Variants in RNLS observed in about 807,000 individuals in gnomAD.
RNLS encodes the protein renalase, FAD dependent amine oxidase, also known as renalase.
RNLS carries 39 observed loss-of-function variants against 39.8 expected under a neutral mutation model. The ratio of observed to expected loss-of-function variants is 0.98; its 90% CI spans 0.76 to 1.28. The LOEUF (loss-of-function observed/expected upper bound fraction) is 1.28, where lower values mean the gene tolerates loss of function less well. RNLS is among the 50% of genes most tolerant of loss of function. The probability of loss-of-function intolerance (pLI) is 0.00; values close to 1 mark genes in which losing one functional copy is unlikely to be tolerated. For synonymous variants in RNLS, 147 were observed against 150.7 expected, an observed-to-expected ratio of 0.98 and a Z score of 0.18; for missense variants, 410 against 413.3, an observed-to-expected ratio of 0.99 and a Z score of 0.07.
chr10:88,257,371 C>T, the RNLS span, among the ~76,000 whole-genome samples: 1 of 152,276 alleles, frequency 6.6e-6, no homozygotes, highest in South Asian at 2.1e-4. Flanking sequence ...AGATTCATAT[C>T]AGGACAATAT....
chr10:88,437,328 T>C (rs1357366831), intron 4 of RNLS, among the ~76,000 whole-genome samples: 1 of 152,162 alleles, frequency 6.6e-6, no homozygotes, highest in Non-Finnish European at 1.5e-5. Context: ...AAAGATTGCA[T>C]TTAATGCCCC....
At chr10:88,557,561 A>C (rs1271580426) in intron 4 of RNLS, among the ~76,000 whole-genome samples, 3 of 152,158 alleles carry the variant, frequency 2.0e-5, no homozygotes, top group African/African-American at 7.2e-5. Context: ...AAGAAAAAAA[A>C]CAAATTTGGA....
intron 4 of RNLS, among the ~76,000 whole-genome samples, chr10:88,367,639 T>C (rs1850230601): frequency 6.6e-6 from 1 of 152,206 alleles, no homozygotes; most frequent in Admixed American, 6.6e-5. Context: ...CAGTTTGTAC[T>C]TCCACCAGGT....
At chr10:88,571,284 T>C (rs1444481362) in intron 4 of RNLS, among the ~76,000 whole-genome samples, 2 of 152,126 alleles carry the variant, frequency 1.3e-5, no homozygotes, top group Non-Finnish European at 2.9e-5. Flanking sequence ...ACCTGGCCTA[T>C]GTTAAGCATT....
chr10:88,287,037 T>C (rs1038793386), intron 6 of RNLS, among the ~76,000 whole-genome samples: 3 of 152,064 alleles, frequency 2.0e-5, no homozygotes, highest in African/African-American at 4.8e-5. Flanking sequence ...TATTCTCCTG[T>C]CTTGGCTTCC....
intron 6 of RNLS, among the ~76,000 whole-genome samples, chr10:88,311,028 C>T (rs1845341251): frequency 6.6e-6 from 1 of 151,910 alleles, no homozygotes. Flanking sequence ...CTCCTGATTT[C>T]CTTGGTATCT....
chr10:88,475,137 G>T (rs1366177652), intron 4 of RNLS, among the ~76,000 whole-genome samples: 1 of 152,112 alleles, frequency 6.6e-6, no homozygotes, highest in African/African-American at 2.4e-5. Context: ...GGGCGACAGG[G>T]CAGCCCTGGC....
At chr10:88,211,607 CAT>C in the RNLS span, among the ~76,000 whole-genome samples, 1 of 152,064 alleles carries the variant, frequency 6.6e-6, no homozygotes, top group East Asian at 1.9e-4. Flanking sequence ...GACGGGATAA[CAT>C]GTGTGAAGCC....
downstream of RNLS, among the ~76,000 whole-genome samples, chr10:88,271,986 A>G (rs1842662200): frequency 6.6e-6 from 1 of 152,196 alleles, no homozygotes; most frequent in African/African-American, 2.4e-5. Flanking sequence ...CCATCTGTGC[A>G]AGAGTGCAGC....
intron 4 of RNLS, among the ~76,000 whole-genome samples, chr10:88,467,058 T>C (rs1379985746): frequency 2.0e-5 from 3 of 152,012 alleles, no homozygotes; most frequent in Non-Finnish European, 4.4e-5. Context: ...TGGACTCCAG[T>C]AGGGTACAAT....
chr10:88,259,254 C>T, the RNLS span: 1 of 152,180 alleles, frequency 6.6e-6, no homozygotes, highest in Non-Finnish European at 1.5e-5. Context: ...GATTCTCACT[C>T]CTATCTGAGT....
chr10:88,452,474 G>T (rs1370813756), intron 4 of RNLS, among the ~76,000 whole-genome samples: 2 of 152,146 alleles, frequency 1.3e-5, no homozygotes, highest in Non-Finnish European at 2.9e-5. Context: ...AAAGGAAGAG[G>T]TTCCATCCTT....
rs1271017390 is a variant in RNLS, at chr10:88,428,842, C to T, written c.527-66117G>A. Among the ~76,000 whole-genome samples, 4 of 152,020 alleles carry T rather than the reference C, an allele frequency of 2.6e-5. No individual in the cohort carries two copies. The East Asian group carries it at 7.7e-4, about 29-fold the overall frequency. On this transcript the variant is annotated intron_variant, in intron 4 of 6. Transcript: ENST00000331772. ...TGGGAATTATATTAATTTACAGCAG[C>T]CTGAGTACACAGTGCCAATGTGTCA...
rs896954089 is a variant in RNLS, at chr10:88,514,454, T to C, written c.526+58449A>G. Among the ~76,000 whole-genome samples the C allele has an allele frequency of 2.4e-4, 37 of 152,174 alleles. No homozygotes were observed. The South Asian group carries it at 3.7e-3, about 15-fold the overall frequency. Reference sequence around the variant, plus strand: ...AAACAATATCACCTCTTAAAAAACATTTAAATGTACAATACAATATTGTTA... The same window carrying C: ...AAACAATATCACCTCTTAAAAAACACTTAAATGTACAATACAATATTGTTA... On this transcript the variant is annotated intron_variant, in intron 4 of 6. Coordinates refer to ENST00000331772, the MANE Select transcript of RNLS (RefSeq NM_001031709.3).
At chr10:88,379,732 CTT>C (rs1307487029) in intron 4 of RNLS, among the ~76,000 whole-genome samples, 2 of 152,186 alleles carry the variant, frequency 1.3e-5, no homozygotes, top group African/African-American at 4.8e-5. Context: ...CACTCAGTGA[CTT>C]TTGAGCTAAG....
chr10:88,186,274 A>G, the RNLS span, among the ~76,000 whole-genome samples: 1 of 152,282 alleles, frequency 6.6e-6, no homozygotes, highest in Admixed American at 6.5e-5. Context: ...GGTTTCATGT[A>G]TCTTAGCAGA....
intron 4 of RNLS, among the ~76,000 whole-genome samples, chr10:88,394,031 CA>C (rs1004992885): frequency 1.5e-4 from 23 of 152,138 alleles, no homozygotes; most frequent in Non-Finnish European, 3.1e-4. Context: ...ACACCTTATA[CA>C]AAAATTAATT....
At chr10:88,273,291 TAAAG>T (rs1381231728), downstream of RNLS, among the ~76,000 whole-genome samples, 1 of 152,122 alleles carries the variant, frequency 6.6e-6, no homozygotes, top group Admixed American at 6.5e-5. Flanking sequence ...AGAAAAAATA[TAAAG>T]AAAGAAATGA....
At chr10:88,201,412 C>T in the RNLS span, among the ~76,000 whole-genome samples, 1 of 152,132 alleles carries the variant, frequency 6.6e-6, no homozygotes, top group Non-Finnish European at 1.5e-5. Flanking sequence ...CTGGCAGCTT[C>T]CACTTTGTTC....
Sources: allele counts gnomAD v4.1 joint callset (sites outside exome capture counted in the v4.1 genomes callset), GRCh38; gene constraint gnomAD v4.1.1; transcripts MANE v1.5; gene names NCBI Gene and HGNC (gene_info 2026-07-23, HGNC 2026-07-21).